Variants in KAZN observed in about 807,000 individuals in gnomAD.
The protein encoded by KAZN is kazrin.
KAZN carries 40 observed loss-of-function variants against 87.4 expected under a neutral mutation model. The ratio of observed to expected loss-of-function variants is 0.46; its 90% CI spans 0.36 to 0.60. KAZN has a LOEUF of 0.60. Among genes scored for constraint, KAZN ranks in the 20% least tolerant of loss-of-function variants. The pLI, the probability that KAZN is intolerant of heterozygous loss-of-function variation, is 0.00. For missense variants in KAZN, 898 were observed against 1,073.9 expected, an observed-to-expected ratio of 0.84 and a Z score of 2.29; for synonymous variants, 466 against 458.3, an observed-to-expected ratio of 1.02 and a Z score of -0.22.
chr1:15,102,195 A>C (rs1641097271), intron 11 of KAZN, among the ~76,000 whole-genome samples: 1 of 152,170 alleles, frequency 6.6e-6, no homozygotes. Context: ...TATACCTACT[A>C]TGTATACCCA....
At chr1:14,077,584 G>C (rs1643510984) in intron 1 of KAZN, among the ~76,000 whole-genome samples, 1 of 152,126 alleles carries the variant, frequency 6.6e-6, no homozygotes, top group Admixed American at 6.5e-5. Flanking sequence ...ATTCCTTCAG[G>C]CTCTGCGGTG....
At position 14,068,648 on chromosome 1, in the gene KAZN, T is replaced by G. The variant is rs74057011; in HGVS notation, c.92-111787T>G. Among the ~76,000 whole-genome samples the G allele has an allele frequency of 5.4e-3, 829 of 152,284 alleles. 4 individuals carry two copies. The highest frequency in any genetic ancestry group is 0.019 in the African/African-American group (794 of 41,554). On this transcript the variant is annotated intron_variant, in intron 1 of 16. Coordinates refer to the KAZN transcript ENST00000636203. ...CATGGCTGCCTAGTGGGAGAGAAAT[T>G]TGGGCCCTTCAGGGGCTTTCATTGC... is the stretch of plus-strand genomic sequence containing the variant.
At chr1:14,602,876 T>C (rs534503681) in intron 1 of KAZN, among the ~76,000 whole-genome samples, 1 of 152,358 alleles carries the variant, frequency 6.6e-6, no homozygotes, top group African/African-American at 2.4e-5. Flanking sequence ...GACGTGCTGA[T>C]AGCATCTTTC....
chr1:14,238,982 T>C (rs1648677541), intron 2 of KAZN, among the ~76,000 whole-genome samples: 1 of 152,238 alleles, frequency 6.6e-6, no homozygotes, highest in Non-Finnish European at 1.5e-5. Flanking sequence ...TGTACTGGGA[T>C]TGTGATGACT....
At chr1:14,149,188 G>A (rs756359507) in intron 1 of KAZN, among the ~76,000 whole-genome samples, 11 of 132,542 alleles carry the variant, frequency 8.3e-5, no homozygotes, top group Non-Finnish European at 1.2e-4. Flanking sequence ...TGCAACCTCC[G>A]CCTCCTGGGT....
chr1:15,069,447 C>T (rs756965440), intron 8 of KAZN, among the ~76,000 whole-genome samples: 12 of 152,212 alleles, frequency 7.9e-5, no homozygotes, highest in Non-Finnish European at 1.8e-4. Context: ...AAGAGCCAGG[C>T]CATACCTTAT....
intron 1 of KAZN, among the ~76,000 whole-genome samples, chr1:14,014,736 A>G (rs1251654650): frequency 3.9e-5 from 6 of 152,238 alleles, no homozygotes; most frequent in African/African-American, 1.4e-4. Flanking sequence ...TCTAACAGAA[A>G]AAGTACATCT....
intron 2 of KAZN, among the ~76,000 whole-genome samples, chr1:14,271,747 G>A (rs988772764): frequency 6.6e-6 from 1 of 152,090 alleles, no homozygotes; most frequent in Admixed American, 6.5e-5. Flanking sequence ...ATTGGTCATT[G>A]GCCATCCCTG....
intron 2 of KAZN, among the ~76,000 whole-genome samples, chr1:14,405,369 TTC>T (rs1309855006): frequency 2.0e-5 from 3 of 152,180 alleles, no homozygotes; most frequent in Non-Finnish European, 4.4e-5. Flanking sequence ...CATATAGATT[TTC>T]AGGAAAGCCT....
intron 1 of KAZN, among the ~76,000 whole-genome samples, chr1:14,917,752 G>T (rs1355912794): frequency 1.3e-5 from 2 of 152,198 alleles, no homozygotes; most frequent in African/African-American, 4.8e-5. Context: ...TGGGTGGGCA[G>T]CTTCCAAGAT....
rs570115104 is a variant in KAZN at position 14,924,798 on chromosome 1, G to A, written c.227-35886G>A. 7.2e-5 allele frequency among the ~76,000 whole-genome samples: 11 copies of A among 152,258 alleles called. No homozygotes were observed. In the South Asian group the frequency reaches 1.7e-3, roughly 23 times the overall value. On this transcript the variant is annotated intron_variant, in intron 1 of 14. Coordinates refer to ENST00000376030, the MANE Select transcript of KAZN (RefSeq NM_201628.3). ...CGGGGCTCGGGGGCTGCACCGGGGG[G>A]CCAGGACCGCGCTTGCCGGAGCCAG... is the stretch of plus-strand genomic sequence containing the variant.
chr1:14,440,959 C>A (rs1666664508), intron 2 of KAZN, among the ~76,000 whole-genome samples: 1 of 152,194 alleles, frequency 6.6e-6, no homozygotes, highest in African/African-American at 2.4e-5. Context: ...CAGTGAACCA[C>A]AATCACCCCC....
At chr1:14,180,543 C>G in exon 2 of KAZN, 2 of 1,550,350 alleles carry the variant, frequency 1.3e-6, no homozygotes, top group Non-Finnish European at 1.7e-6. Context: ...GAGAAGGAGA[C>G]TCTGAAGAGT....
At chr1:14,937,475 TC>T (rs1250098758) in intron 1 of KAZN, among the ~76,000 whole-genome samples, 1 of 152,128 alleles carries the variant, frequency 6.6e-6, no homozygotes, top group Non-Finnish European at 1.5e-5. Context: ...AATAATCACG[TC>T]CCCTCCGCCT....
intron 1 of KAZN, among the ~76,000 whole-genome samples, chr1:14,721,527 C>A (rs1328420105): frequency 6.6e-6 from 1 of 152,202 alleles, no homozygotes; most frequent in Non-Finnish European, 1.5e-5. Flanking sequence ...ACTGGCCAGA[C>A]AAGAACCTTG....
In KAZN at chr1:14,956,368, G is replaced by A. The variant is rs1052069774; in HGVS notation, c.227-4316G>A. 4.6e-5 allele frequency among the ~76,000 whole-genome samples: 7 copies of A among 151,420 alleles called. 1 individual carries two copies. In the South Asian group the frequency reaches 6.2e-4, roughly 13 times the overall value. On this transcript the variant is annotated intron_variant, in intron 1 of 14. Coordinates refer to ENST00000376030, the MANE Select transcript of KAZN (RefSeq NM_201628.3). ...TAATCCCAGCACTTTGGGAGGCTGAGGCAGGTGGATCATCTGAGGTCAGGA... is the reference window on the plus strand; with the variant it reads ...TAATCCCAGCACTTTGGGAGGCTGAAGCAGGTGGATCATCTGAGGTCAGGA...
At position 14,330,235 on chromosome 1, in the gene KAZN, C is replaced by A. The variant is rs373870906; in HGVS notation, c.249+149643C>A. The stretch of plus-strand genomic sequence containing the variant: ...CTTATTAAACACATACAAAATTAAT[C>A]CATCTTACTGTGGAAGAGGAGTATC... On this transcript the variant is annotated intron_variant, in intron 2 of 16. Transcript: ENST00000636203. Among the ~76,000 whole-genome samples the A allele has an allele frequency of 2.6e-5, 4 of 152,164 alleles. No homozygotes were observed. In the East Asian group the frequency reaches 5.8e-4, roughly 22 times the overall value.
chr1:14,009,887 A>T (rs1640209019), intron 1 of KAZN, among the ~76,000 whole-genome samples: 1 of 152,126 alleles, frequency 6.6e-6, no homozygotes. Flanking sequence ...GAGGGTGTGT[A>T]CATATTCACA....
chr1:14,250,391 A>G (rs1649913746), intron 2 of KAZN, among the ~76,000 whole-genome samples: 1 of 152,168 alleles, frequency 6.6e-6, no homozygotes, highest in African/African-American at 2.4e-5. Flanking sequence ...AGACACATAT[A>G]TATGAGATCC....
Sources: gnomAD v4.1 joint callset for allele counts (sites outside exome capture counted in the v4.1 genomes callset) on GRCh38, gnomAD v4.1.1 for gene constraint, MANE v1.5 for transcripts, NCBI Gene and HGNC (gene_info 2026-07-23, HGNC 2026-07-21) for gene names.